The following SEMA5A variants were observed in gnomAD, a reference collection of about 807,000 sequenced individuals.
SEMA5A encodes the protein semaphorin 5A.
Under a neutral mutation model 135.5 loss-of-function variants are expected in SEMA5A, and 55 were observed. The ratio of observed to expected loss-of-function variants is 0.41; its 90% CI spans 0.33 to 0.51. The LOEUF is 0.51. Ranked by LOEUF, SEMA5A falls within the 20% of genes least tolerant of loss-of-function variation. The pLI, the probability that SEMA5A is intolerant of heterozygous loss-of-function variation, is 0.37. For synonymous variants in SEMA5A, 580 were observed against 546.5 expected (o/e 1.06, Z -0.85); for missense variants, 1,290 against 1,419.9 (o/e 0.91, Z 1.47).
At chr5:9,147,993 T>C (rs1742434313) in intron 12 of SEMA5A, among the ~76,000 whole-genome samples, 1 of 152,222 alleles carries the variant, frequency 6.6e-6, no homozygotes, top group Non-Finnish European at 1.5e-5. Context: ...GCCCAGGCTT[T>C]GGGAGCTTAT....
At position 9,345,242 on chromosome 5, in the gene SEMA5A, A is replaced by G. The variant is rs1753809210; in HGVS notation, c.125-7430T>C. ...TAACATTCCTCTTAAAATATCCAGG[A>G]AAAATATCAAACATGTTTCTTTAGT... On this transcript the variant is annotated intron_variant, in intron 3 of 22. Transcript: ENST00000382496. Among the ~76,000 whole-genome samples, 5 of 152,320 alleles carry G rather than the reference A, an allele frequency of 3.3e-5. 2 individuals carry two copies. In the South Asian group the frequency reaches 1.0e-3, roughly 32 times the overall value.
At chr5:9,125,500 C>G (rs1010561608) in intron 13 of SEMA5A, among the ~76,000 whole-genome samples, 3 of 152,174 alleles carry the variant, frequency 2.0e-5, no homozygotes, top group Non-Finnish European at 2.9e-5. Flanking sequence ...CCCCTCACAA[C>G]CCACCCTCCA....
chr5:9,226,510 TTAAA>T (rs1359762417), intron 7 of SEMA5A, among the ~76,000 whole-genome samples: 1 of 152,144 alleles, frequency 6.6e-6, no homozygotes, highest in African/African-American at 2.4e-5. Flanking sequence ...TTTAATAATT[TTAAA>T]TAAATATAAA....
chr5:9,060,155 T>C (rs1737106446), intron 18 of SEMA5A, among the ~76,000 whole-genome samples: 1 of 152,170 alleles, frequency 6.6e-6, no homozygotes, highest in Non-Finnish European at 1.5e-5. Context: ...CAAGGTGACA[T>C]GGGCCACTCT....
At chr5:9,133,271 T>C (rs1482143548) in intron 13 of SEMA5A, among the ~76,000 whole-genome samples, 1 of 152,224 alleles carries the variant, frequency 6.6e-6, no homozygotes, top group Non-Finnish European at 1.5e-5. Flanking sequence ...CATCTCCTTC[T>C]AAGAGACAGA....
chr5:9,211,978 G>C (rs954278851), intron 8 of SEMA5A, among the ~76,000 whole-genome samples: 2 of 152,188 alleles, frequency 1.3e-5, no homozygotes, highest in African/African-American at 2.4e-5. Context: ...AGTTCCCTGG[G>C]AGAACTCAGT....
intron 13 of SEMA5A, among the ~76,000 whole-genome samples, chr5:9,127,722 T>C (rs1247112207): frequency 6.6e-6 from 1 of 152,152 alleles, no homozygotes; most frequent in Admixed American, 6.5e-5. Context: ...CATGGCAGAA[T>C]TGGGACAAAT....
intron 9 of SEMA5A, 98 bp from the exon 10 acceptor site, chr5:9,197,401 CAG>C: frequency 2.8e-6 from 4 of 1,409,714 alleles, no homozygotes; most frequent in Non-Finnish European, 3.8e-6. Flanking sequence ...CTACAGCTTC[CAG>C]AGGTCTCAAG....
At chr5:9,431,392 A>G (rs1757851136) in intron 2 of SEMA5A, among the ~76,000 whole-genome samples, 1 of 152,204 alleles carries the variant, frequency 6.6e-6, no homozygotes, top group Non-Finnish European at 1.5e-5. Context: ...GAATCTCCCA[A>G]CCAACTTCCC....
At chr5:9,063,243 C>T in intron 17 of SEMA5A, 138 bp from the exon 18 acceptor site, 1 of 791,490 alleles carries the variant, frequency 1.3e-6, no homozygotes. Flanking sequence ...TCTTTTTACA[C>T]TTCAGTAGCC....
At chr5:9,395,458 C>G (rs78706597) in intron 2 of SEMA5A, among the ~76,000 whole-genome samples, 2 of 152,136 alleles carry the variant, frequency 1.3e-5, no homozygotes, top group Non-Finnish European at 2.9e-5. Flanking sequence ...AAAACTGGAA[C>G]CTGCTACCTC....
intron 5 of SEMA5A, among the ~76,000 whole-genome samples, chr5:9,297,034 A>G (rs1327869944): frequency 1.3e-5 from 2 of 152,092 alleles, no homozygotes; most frequent in East Asian, 1.9e-4. Context: ...AAGCTCAGAG[A>G]AGAAAATCAG....
At chr5:9,083,986 A>G (rs1394118638) in intron 16 of SEMA5A, among the ~76,000 whole-genome samples, 1 of 152,192 alleles carries the variant, frequency 6.6e-6, no homozygotes, top group Non-Finnish European at 1.5e-5. Context: ...TGAGCAATCA[A>G]TTCTGCCTAA....
At chr5:9,151,543 A>G (rs1333160228) in intron 12 of SEMA5A, among the ~76,000 whole-genome samples, 1 of 152,212 alleles carries the variant, frequency 6.6e-6, no homozygotes, top group African/African-American at 2.4e-5. Context: ...TAATTTATAA[A>G]AAATGTTTGT....
At chr5:9,420,732 C>T (rs1757436191) in intron 2 of SEMA5A, among the ~76,000 whole-genome samples, 1 of 152,010 alleles carries the variant, frequency 6.6e-6, no homozygotes, top group Non-Finnish European at 1.5e-5. Flanking sequence ...ATTCATGGCC[C>T]CGCCAGGCAT....
chr5:9,543,728 G>C (rs1738219258), intron 1 of SEMA5A, among the ~76,000 whole-genome samples: 1 of 151,870 alleles, frequency 6.6e-6, no homozygotes, highest in African/African-American at 2.4e-5. Context: ...GAGCAACGTG[G>C]ATGAGCAAGC....
chr5:9,396,312 C>A (rs1263423588), intron 2 of SEMA5A, among the ~76,000 whole-genome samples: 4 of 151,318 alleles, frequency 2.6e-5, no homozygotes, highest in African/African-American at 4.9e-5. Flanking sequence ...TATTTATCTA[C>A]TTTGCCTAGT....
At chr5:9,290,200 C>T (rs1751010930) in intron 5 of SEMA5A, among the ~76,000 whole-genome samples, 1 of 152,060 alleles carries the variant, frequency 6.6e-6, no homozygotes, top group African/African-American at 2.4e-5. Context: ...TATCCCTCAC[C>T]CCCTCCCACC....
At chr5:9,152,992 C>G (rs1029512112) in intron 12 of SEMA5A, among the ~76,000 whole-genome samples, 1 of 151,486 alleles carries the variant, frequency 6.6e-6, no homozygotes, top group Admixed American at 6.6e-5. Flanking sequence ...CGCTTGAACC[C>G]AGGAGGTGGA....
Sources: gnomAD v4.1 joint callset for allele counts (sites outside exome capture counted in the v4.1 genomes callset) on GRCh38, gnomAD v4.1.1 for gene constraint, MANE v1.5 for transcripts, NCBI Gene and HGNC (gene_info 2026-07-23, HGNC 2026-07-21) for gene names.